PHF20: variants seen among roughly 807,000 people sequenced by gnomAD.
PHF20 encodes the protein PHD finger protein 20.
A neutral mutation model predicts 113.5 loss-of-function variants in PHF20; 23 were observed. That is an observed-to-expected ratio of 0.20 (90% confidence interval 0.15 to 0.29). PHF20 has a LOEUF of 0.29. Among genes scored for constraint, PHF20 ranks in the 10% least tolerant of loss-of-function variants. PHF20 has a pLI of 1.00. For missense variants in PHF20, 943 were observed against 1,219.6 expected (o/e 0.77, Z 3.38); for synonymous variants, 434 against 457.3 (o/e 0.95, Z 0.65).
chr20:35,831,465 G>A (rs2042357646), intron 2 of PHF20, among the ~76,000 whole-genome samples: 1 of 152,102 alleles, frequency 6.6e-6, no homozygotes, highest in Non-Finnish European at 1.5e-5. Context: ...GTGCTGGGCT[G>A]ATTAAATTTT....
chr20:35,805,928 C>A (rs894967243), intron 2 of PHF20, among the ~76,000 whole-genome samples: 9 of 151,768 alleles, frequency 5.9e-5, no homozygotes, highest in African/African-American at 2.2e-4. Context: ...GTGGCACAAT[C>A]TTGGCTCACT....
Position 35,943,536 on chromosome 20 carries a change from A to AAT in PHF20, c.2896+2504_2896+2505dup, listed in dbSNP as rs754483441. On this transcript the variant is annotated intron_variant, in intron 17 of 17. Transcript: ENST00000374012. ...AAAAGCCTAGTAAGCTATTATATGA[A>AAT]ATATATATATATATATGCCATTGTT... is the stretch of plus-strand genomic sequence containing the variant. Among the ~76,000 whole-genome samples, 1,428 of 148,208 alleles carry AAT rather than the reference A, an allele frequency of 9.6e-3. 14 individuals carry two copies. Among genetic ancestry groups the AAT allele is most frequent in the African/African-American group, 0.029 (1,176 of 40,532 alleles).
At chr20:35,907,896 C>T (rs1269785791) in intron 10 of PHF20, among the ~76,000 whole-genome samples, 1 of 152,144 alleles carries the variant, frequency 6.6e-6, no homozygotes, top group Admixed American at 6.5e-5. Flanking sequence ...GTGTTGAAGT[C>T]CCCCACTAAA....
intron 6 of PHF20, among the ~76,000 whole-genome samples, chr20:35,868,612 A>ACAAGCAAGCAAG (rs61053948): frequency 6.6e-6 from 1 of 151,216 alleles, no homozygotes; most frequent in African/African-American, 2.4e-5. Context: ...TCTCAAAAAA[A>ACAAGCAAGCAAG]CAAGCAAGCA....
chr20:35,946,403 C>T (rs2056083865), intron 17 of PHF20, among the ~76,000 whole-genome samples: 1 of 152,078 alleles, frequency 6.6e-6, no homozygotes, highest in Non-Finnish European at 1.5e-5. Flanking sequence ...CACTGCACTC[C>T]AGCCTGGGCG....
chr20:35,939,795 C>G (rs1233474246), intron 16 of PHF20, among the ~76,000 whole-genome samples: 1 of 152,166 alleles, frequency 6.6e-6, no homozygotes, highest in Non-Finnish European at 1.5e-5. Context: ...ACTTCCCAGA[C>G]TTTCTCCTGC....
intron 1 of PHF20, among the ~76,000 whole-genome samples, chr20:35,790,852 T>G (rs1460280147): frequency 6.6e-6 from 1 of 152,106 alleles, no homozygotes; most frequent in Non-Finnish European, 1.5e-5. Context: ...GAACTGTTTT[T>G]TTTGTTTGTT....
intron 4 of PHF20, chr20:35,853,335 T>A (rs185668149): frequency 6.6e-6 from 1 of 152,216 alleles, no homozygotes; most frequent in African/African-American, 2.4e-5. Flanking sequence ...GAACCATCAA[T>A]TGAGATAACT....
intron 1 of PHF20, among the ~76,000 whole-genome samples, chr20:35,782,877 C>G (rs889397512): frequency 1.3e-5 from 2 of 152,150 alleles, no homozygotes; most frequent in African/African-American, 4.8e-5. Context: ...CCCTCCATTT[C>G]CTAATCTGTA....
chr20:35,801,850 G>T (rs2041787493), intron 2 of PHF20: 1 of 336,706 alleles, frequency 3.0e-6, no homozygotes, highest in South Asian at 4.1e-5. Context: ...CTGGGAAAAA[G>T]AAGCAGGAAT....
intron 12 of PHF20, among the ~76,000 whole-genome samples, chr20:35,914,924 A>G (rs922523895): frequency 3.4e-5 from 5 of 148,688 alleles, no homozygotes; most frequent in African/African-American, 1.2e-4. Flanking sequence ...AGATCATGCC[A>G]CTTCACTCCA....
At chr20:35,847,750 A>T (rs1339401316) in intron 4 of PHF20, among the ~76,000 whole-genome samples, 1 of 152,222 alleles carries the variant, frequency 6.6e-6, no homozygotes, top group Non-Finnish European at 1.5e-5. Flanking sequence ...TTGATGACAT[A>T]GTCCTGAATA....
At chr20:35,794,680 A>G (rs1369430684) in intron 1 of PHF20, among the ~76,000 whole-genome samples, 1 of 152,106 alleles carries the variant, frequency 6.6e-6, no homozygotes, top group East Asian at 1.9e-4. Flanking sequence ...CGAAAGTTCC[A>G]GAGTTTATTT....
intron 7 of PHF20, among the ~76,000 whole-genome samples, chr20:35,870,539 G>C (rs2054402321): frequency 6.6e-6 from 1 of 151,780 alleles, no homozygotes; most frequent in Non-Finnish European, 1.5e-5. Flanking sequence ...ATACCCTCTG[G>C]AGTGAGTTGG....
At chr20:35,849,642 G>A (rs1397255283) in intron 4 of PHF20, among the ~76,000 whole-genome samples, 1 of 152,148 alleles carries the variant, frequency 6.6e-6, no homozygotes, top group African/African-American at 2.4e-5. Context: ...GATTGGGAGC[G>A]ACAATGCTAG....
intron 10 of PHF20, among the ~76,000 whole-genome samples, chr20:35,905,510 G>A (rs2055187647): frequency 6.6e-6 from 1 of 152,148 alleles, no homozygotes; most frequent in Non-Finnish European, 1.5e-5. Flanking sequence ...ATCCCCCCAT[G>A]TGAGGATGTA....
At chr20:35,947,026 G>A (rs962143900) in intron 17 of PHF20, among the ~76,000 whole-genome samples, 1 of 152,192 alleles carries the variant, frequency 6.6e-6, no homozygotes, top group Non-Finnish European at 1.5e-5. Flanking sequence ...TTTTTAAAGA[G>A]TGAGTGGTAA....
Position 35,871,028 on chromosome 20 carries a change from C to T in PHF20, c.996C>T (p.Ser332=), listed in dbSNP as rs759697424. 1.2e-6 allele frequency: 2 copies of T among 1,612,262 alleles called. No homozygotes were observed. Among genetic ancestry groups the T allele is most frequent in the Non-Finnish European group, 8.5e-7 (1 of 1,179,528 alleles). The part of the protein sequence containing the change: ...DLSRRRSSRL[S]TNGTHEILDP... ...CGAGGAGACGTTCCTCCAGGCTGTC[C>T]ACTAATGGGACCCATGAGATCCTAG... Residue 332 remains serine (S), a synonymous_variant, in exon 8 of 18, where the codon TCC becomes TCT. Transcript: ENST00000374012.
intron 10 of PHF20, among the ~76,000 whole-genome samples, chr20:35,900,459 C>A (rs182900355): frequency 6.6e-6 from 1 of 152,160 alleles, no homozygotes; most frequent in African/African-American, 2.4e-5. Flanking sequence ...GCCATGCAGA[C>A]TAAGGTGAAC....
Sources: gnomAD v4.1 joint callset for allele counts (sites outside exome capture counted in the v4.1 genomes callset) on GRCh38, gnomAD v4.1.1 for gene constraint, MANE v1.5 for transcripts, NCBI Gene and HGNC (gene_info 2026-07-23, HGNC 2026-07-21) for gene names.